SYN3: variants seen among roughly 807,000 people sequenced by gnomAD.
SYN3 encodes the protein synapsin-3.
Under a neutral mutation model 65.8 loss-of-function variants are expected in SYN3, and 35 were observed. That is an observed-to-expected ratio of 0.53 (90% CI 0.41 to 0.70). SYN3 has a LOEUF of 0.70. SYN3 is among the 30% of genes least tolerant of loss of function. SYN3 has a pLI of 0.00. For missense variants in SYN3, 680 were observed against 749.0 expected, an observed-to-expected ratio of 0.91 and a Z score of 1.08; for synonymous variants, 270 against 292.9, an observed-to-expected ratio of 0.92 and a Z score of 0.80.
At chr22:32,791,365 G>A (rs894634591) in intron 6 of SYN3, among the ~76,000 whole-genome samples, 4 of 152,024 alleles carry the variant, frequency 2.6e-5, no homozygotes, top group Admixed American at 2.0e-4. Context: ...TTCTAACTTC[G>A]GTGCTTACCT....
rs1341786837 is a variant in SYN3 at position 32,868,925 on chromosome 22, G to A, written c.621+41C>T. Reference sequence around the variant, plus strand: ...GTCGCAGAGTGGGAGGCCACCCACTGCCTCCCAGATCCCTCCAGGTCAGCC... The same window carrying A: ...GTCGCAGAGTGGGAGGCCACCCACTACCTCCCAGATCCCTCCAGGTCAGCC... On this transcript the variant is annotated intron_variant, in intron 5 of 13. Coordinates refer to ENST00000358763, the MANE Select transcript of SYN3 (RefSeq NM_003490.4). The A allele has an allele frequency of 2.5e-6, 4 of 1,588,312 alleles. No individual in the cohort carries two copies. In the East Asian group the frequency reaches 6.8e-5, roughly 27 times the overall value.
intron 6 of SYN3, among the ~76,000 whole-genome samples, chr22:32,855,110 C>T (rs897017080): frequency 6.6e-6 from 1 of 152,218 alleles, no homozygotes; most frequent in Non-Finnish European, 1.5e-5. Flanking sequence ...ACCCTTGGGA[C>T]AAGCCCAGAG....
chr22:32,945,864 A>T (rs1197096188), intron 3 of SYN3, among the ~76,000 whole-genome samples: 2 of 152,230 alleles, frequency 1.3e-5, no homozygotes, highest in Non-Finnish European at 2.9e-5. Context: ...AAACAAGGCG[A>T]TCAAAAAGTG....
chr22:32,584,211 T>G (rs2252907), intron 7 of SYN3: 63,691 of 152,098 alleles, frequency 0.42, 14,413 homozygotes, highest in African/African-American at 0.62. Flanking sequence ...GCAATCCCTG[T>G]TGCCTTGGTT....
chr22:32,593,346 G>A (rs59994857), intron 7 of SYN3, among the ~76,000 whole-genome samples: 5 of 138,322 alleles, frequency 3.6e-5, no homozygotes, highest in African/African-American at 1.4e-4. Flanking sequence ...TCCTTTTTAT[G>A]TCCTGTTGGG....
Position 32,731,650 on chromosome 22 carries a change from CA to C in SYN3, c.711+133264del, listed in dbSNP as rs1215746186. Among the ~76,000 whole-genome samples the C allele has an allele frequency of 4.6e-5, 7 of 152,258 alleles. No homozygotes were observed. In the South Asian group the frequency reaches 6.2e-4, roughly 14 times the overall value. ...GGGTGTTGCTCCCCAGCCTGTAGCC[CA>C]AAGTCTGTCTTTATGTCTATAGTAG... On this transcript the variant is annotated intron_variant, in intron 6 of 13. Transcript: ENST00000358763.
intron 7 of SYN3, among the ~76,000 whole-genome samples, chr22:32,544,383 C>T (rs909545695): frequency 1.3e-5 from 2 of 152,214 alleles, no homozygotes; most frequent in Non-Finnish European, 2.9e-5. Flanking sequence ...CTTTTCAGAA[C>T]CTCAGTTACG....
intron 2 of SYN3, among the ~76,000 whole-genome samples, chr22:33,006,131 C>T (rs1569398514): frequency 6.6e-6 from 1 of 152,130 alleles, no homozygotes; most frequent in Non-Finnish European, 1.5e-5. Context: ...GACTGTGGAC[C>T]TGTAAATATA....
intron 4 of SYN3, among the ~76,000 whole-genome samples, chr22:32,889,425 A>C (rs1302600102): frequency 1.3e-5 from 2 of 152,164 alleles, no homozygotes; most frequent in Non-Finnish European, 2.9e-5. Context: ...AAGGAAAAAA[A>C]AAAAACAAAA....
intron 6 of SYN3, among the ~76,000 whole-genome samples, chr22:32,653,061 T>C (rs2060095037): frequency 6.6e-6 from 1 of 152,248 alleles, no homozygotes; most frequent in Non-Finnish European, 1.5e-5. Context: ...TTGCTCCATA[T>C]GTAAACACAT....
chr22:32,841,366 T>C (rs1380689902), intron 6 of SYN3, among the ~76,000 whole-genome samples: 2 of 152,152 alleles, frequency 1.3e-5, no homozygotes, highest in Non-Finnish European at 2.9e-5. Context: ...GGAATGTGCA[T>C]GGATCAGGAT....
chr22:32,635,440 A>C (rs904775341), intron 6 of SYN3, among the ~76,000 whole-genome samples: 1 of 152,216 alleles, frequency 6.6e-6, no homozygotes. Flanking sequence ...ATATTTACTC[A>C]CAGCTGATGC....
At chr22:32,780,319 T>C (rs2046009158) in intron 6 of SYN3, among the ~76,000 whole-genome samples, 1 of 152,010 alleles carries the variant, frequency 6.6e-6, no homozygotes, top group East Asian at 1.9e-4. Context: ...CTCAGGAGTG[T>C]TGTTCTGGGG....
intron 4 of SYN3, among the ~76,000 whole-genome samples, chr22:32,883,939 C>T (rs2049216137): frequency 6.6e-6 from 1 of 152,202 alleles, no homozygotes; most frequent in Non-Finnish European, 1.5e-5. Flanking sequence ...AGTATAATTT[C>T]CTGCTGAGTC....
chr22:32,905,771 G>A, intron 4 of SYN3, among the ~76,000 whole-genome samples: 1 of 152,344 alleles, frequency 6.6e-6, no homozygotes, highest in African/African-American at 2.4e-5. Flanking sequence ...TATATGGGCA[G>A]CTCTGGCCTG....
intron 8 of SYN3, among the ~76,000 whole-genome samples, chr22:32,541,358 G>T (rs572692362): frequency 6.6e-6 from 1 of 152,348 alleles, no homozygotes; most frequent in East Asian, 1.9e-4. Context: ...TGCTCTGGAG[G>T]AAACAGCCCT....
chr22:32,668,410 G>T lies in SYN3; in HGVS notation c.712-71674C>A, dbSNP rs5749484. On this transcript the variant is annotated intron_variant, in intron 6 of 13. Coordinates refer to ENST00000358763, the MANE Select transcript of SYN3 (RefSeq NM_003490.4). ...TTCTCTTTCCCCTCTTCCTGTGGAT[G>T]AGAAATTGTTACATTGTTATTAACT... is the stretch of plus-strand genomic sequence containing the variant. Among the ~76,000 whole-genome samples the T allele has an allele frequency of 6.4e-4, 89 of 140,096 alleles. 1 individual carries two copies. The highest frequency in any genetic ancestry group is 1.3e-3 in the Admixed American group (17 of 13,036). 91.9% of individuals were successfully genotyped at this position (140,096 alleles called of 152,430 possible). A position where few individuals can be genotyped will look rare whatever the true frequency, so the allele number is the denominator to read the frequency against.
At chr22:32,903,910 C>T (rs528761622) in intron 4 of SYN3, among the ~76,000 whole-genome samples, 6 of 152,282 alleles carry the variant, frequency 3.9e-5, no homozygotes, top group African/African-American at 1.4e-4. Context: ...TTGTTTTGCA[C>T]CTACTATGTA....
At chr22:32,945,644 G>T (rs1447481028) in intron 3 of SYN3, among the ~76,000 whole-genome samples, 1 of 152,176 alleles carries the variant, frequency 6.6e-6, no homozygotes, top group African/African-American at 2.4e-5. Flanking sequence ...AGGACTTCAT[G>T]TCTAAAACAC....
Sources: allele counts gnomAD v4.1 joint callset (sites outside exome capture counted in the v4.1 genomes callset), GRCh38; gene constraint gnomAD v4.1.1; transcripts MANE v1.5; gene names NCBI Gene and HGNC (gene_info 2026-07-23, HGNC 2026-07-21).